The following HPSE2 variants were observed in gnomAD, a reference collection of about 807,000 sequenced individuals.
HPSE2 encodes the protein heparanase 2 (inactive), also known as inactive heparanase-2.
A neutral mutation model predicts 60.5 loss-of-function variants in HPSE2; 38 were observed. The ratio of observed to expected loss-of-function variants is 0.63; its 90% CI spans 0.48 to 0.82. The LOEUF (loss-of-function observed/expected upper bound fraction) is 0.82. Ranked by LOEUF, HPSE2 falls within the 40% of genes least tolerant of loss-of-function variation. The probability of loss-of-function intolerance (pLI) is 0.00; values close to 1 mark genes in which losing one functional copy is unlikely to be tolerated. For missense variants in HPSE2, 713 were observed against 740.4 expected, an observed-to-expected ratio of 0.96 and a Z score of 0.43; for synonymous variants, 295 against 293.2, an observed-to-expected ratio of 1.01 and a Z score of -0.06.
intron 6 of HPSE2, among the ~76,000 whole-genome samples, chr10:98,689,263 C>T (rs1948012069): frequency 1.3e-5 from 2 of 152,136 alleles, no homozygotes; most frequent in African/African-American, 2.4e-5. Context: ...AGGTCACTGA[C>T]ACTTTGTTCA....
chr10:98,518,015 T>C (rs545847752), intron 9 of HPSE2, among the ~76,000 whole-genome samples: 76 of 152,296 alleles, frequency 5.0e-4, no homozygotes, highest in African/African-American at 1.6e-3. Context: ...CAGTGTCTAG[T>C]ACCCCAGAAT....
At chr10:98,767,727 AT>A (rs1209644272) in intron 3 of HPSE2, among the ~76,000 whole-genome samples, 3 of 145,520 alleles carry the variant, frequency 2.1e-5, no homozygotes, top group Admixed American at 6.9e-5. Flanking sequence ...ATATATAAAC[AT>A]ACATGTATTT....
At chr10:99,274,005 T>C in the HPSE2 span, among the ~76,000 whole-genome samples, 3 of 152,170 alleles carry the variant, frequency 2.0e-5, no homozygotes, top group Non-Finnish European at 4.4e-5. Flanking sequence ...GTCATATAAC[T>C]TCCCTGGTAA....
At chr10:98,782,952 T>TA (rs1565160498) in intron 3 of HPSE2, among the ~76,000 whole-genome samples, 1 of 138,010 alleles carries the variant, frequency 7.2e-6, no homozygotes, top group Admixed American at 7.1e-5. Flanking sequence ...TTTTTTTTTT[T>TA]ATTATACTCT....
chr10:99,049,228 T>G (rs1435271275), intron 3 of HPSE2, among the ~76,000 whole-genome samples: 1 of 152,198 alleles, frequency 6.6e-6, no homozygotes, highest in East Asian at 1.9e-4. Context: ...AATTCCCATA[T>G]ATTTTATAGT....
intron 5 of HPSE2, among the ~76,000 whole-genome samples, chr10:98,718,951 C>T (rs1367817498): frequency 6.6e-6 from 1 of 151,936 alleles, no homozygotes; most frequent in Admixed American, 6.6e-5. Context: ...GTTCCCAACA[C>T]AAAGAAATAA....
intron 9 of HPSE2, among the ~76,000 whole-genome samples, chr10:98,510,324 C>A (rs541863052): frequency 1.3e-5 from 2 of 152,314 alleles, no homozygotes; most frequent in East Asian, 3.9e-4. Flanking sequence ...GGACCAAGGA[C>A]TTATGCCCAC....
chr10:98,991,490 G>A (rs1956523739), intron 3 of HPSE2, among the ~76,000 whole-genome samples: 1 of 152,112 alleles, frequency 6.6e-6, no homozygotes, highest in Admixed American at 6.6e-5. Flanking sequence ...GAGAAGAAAG[G>A]TCAGAGAGTG....
chr10:98,690,048 A>C (rs138926196), intron 6 of HPSE2, among the ~76,000 whole-genome samples: 80 of 152,328 alleles, frequency 5.3e-4, no homozygotes, highest in African/African-American at 1.9e-3. Context: ...TCTCATGAAT[A>C]TATACATTTC....
At chr10:99,006,124 C>G (rs538074016) in intron 3 of HPSE2, among the ~76,000 whole-genome samples, 1 of 152,256 alleles carries the variant, frequency 6.6e-6, no homozygotes, top group South Asian at 2.1e-4. Flanking sequence ...CTGGGGTGGT[C>G]TCTGAGCCCA....
At chr10:98,652,013 C>T (rs1946929881) in intron 6 of HPSE2, among the ~76,000 whole-genome samples, 1 of 152,132 alleles carries the variant, frequency 6.6e-6, no homozygotes, top group South Asian at 2.1e-4. Context: ...TCAGGTGATC[C>T]ACCTGCCTCG....
At chr10:98,971,783 T>G (rs1182511575) in intron 3 of HPSE2, among the ~76,000 whole-genome samples, 1 of 152,056 alleles carries the variant, frequency 6.6e-6, no homozygotes, top group African/African-American at 2.4e-5. Flanking sequence ...TAGACCCACA[T>G]GAGAATTCCC....
chr10:98,637,700 A>G (rs751011433), intron 7 of HPSE2, among the ~76,000 whole-genome samples: 7 of 152,170 alleles, frequency 4.6e-5, no homozygotes, highest in Non-Finnish European at 4.4e-5. Context: ...CCACTCCCAC[A>G]TGGCGTCATT....
intron 6 of HPSE2, among the ~76,000 whole-genome samples, chr10:98,682,275 A>G (rs1947806521): frequency 6.6e-6 from 1 of 152,194 alleles, no homozygotes; most frequent in African/African-American, 2.4e-5. Context: ...GCTTTCCACC[A>G]TGAGTGAAAG....
At chr10:98,984,302 G>A (rs924808648) in intron 3 of HPSE2, among the ~76,000 whole-genome samples, 2 of 152,170 alleles carry the variant, frequency 1.3e-5, no homozygotes, top group Admixed American at 6.5e-5. Context: ...AACTTCCAGA[G>A]GAACGATCAG....
At chr10:98,634,169 A>T (rs574666536) in intron 7 of HPSE2, among the ~76,000 whole-genome samples, 1 of 152,216 alleles carries the variant, frequency 6.6e-6, no homozygotes, top group Non-Finnish European at 1.5e-5. Flanking sequence ...AAGACAGCAC[A>T]TATAAATGTG....
chr10:99,292,807 C>T, the HPSE2 span, among the ~76,000 whole-genome samples: 1 of 152,112 alleles, frequency 6.6e-6, no homozygotes, highest in Non-Finnish European at 1.5e-5. Flanking sequence ...TTTGCTCTAG[C>T]CACATTTCCA....
chr10:98,493,046 T>A (rs901763687), intron 9 of HPSE2, among the ~76,000 whole-genome samples: 1 of 152,160 alleles, frequency 6.6e-6, no homozygotes, highest in African/African-American at 2.4e-5. Context: ...ATTCTAAGTA[T>A]CTCATATAAA....
chr10:99,159,016 G>A (rs955055436), intron 2 of HPSE2, among the ~76,000 whole-genome samples: 9 of 152,016 alleles, frequency 5.9e-5, no homozygotes, highest in African/African-American at 2.2e-4. Context: ...AGTGCTTAGA[G>A]AGAAATTTTT....
Sources: allele counts gnomAD v4.1 joint callset (sites outside exome capture counted in the v4.1 genomes callset), GRCh38; gene constraint gnomAD v4.1.1; transcripts MANE v1.5; gene names NCBI Gene and HGNC (gene_info 2026-07-23, HGNC 2026-07-21).